Variants in MDFIC2 observed in about 807,000 individuals in gnomAD.
MDFIC2 encodes myoD family inhibitor domain-containing protein 2.
At chr3:70,247,090 A>G (rs1330787959) in intron 2 of MDFIC2, among the ~76,000 whole-genome samples, 3 of 151,916 alleles carry the variant, frequency 2.0e-5, no homozygotes, top group African/African-American at 7.2e-5. Context: ...CAATCATAGT[A>G]CCAAGCGCAT....
intron 2 of MDFIC2, among the ~76,000 whole-genome samples, chr3:70,266,831 T>C (rs1175862635): frequency 6.6e-6 from 1 of 152,174 alleles, no homozygotes; most frequent in Non-Finnish European, 1.5e-5. Flanking sequence ...GTCCAGAAGG[T>C]ACACAGATAT....
At chr3:70,299,397 A>T (rs1702324042) in intron 2 of MDFIC2, among the ~76,000 whole-genome samples, 1 of 152,102 alleles carries the variant, frequency 6.6e-6, no homozygotes, top group African/African-American at 2.4e-5. Context: ...ATTGAGAATA[A>T]TTTTTTTCCA....
intron 2 of MDFIC2, among the ~76,000 whole-genome samples, chr3:70,242,860 G>A (rs1701675609): frequency 6.6e-6 from 1 of 152,058 alleles, no homozygotes; most frequent in South Asian, 2.1e-4. Context: ...ATTTGAAAAA[G>A]CAAATGTCTT....
intron 2 of MDFIC2, among the ~76,000 whole-genome samples, chr3:70,264,038 G>T (rs1425861924): frequency 2.6e-5 from 4 of 152,160 alleles, no homozygotes; most frequent in Non-Finnish European, 4.4e-5. Flanking sequence ...TTATCATTAT[G>T]TTATAAATTC....
chr3:70,241,960 C>A (rs1021657459), intron 2 of MDFIC2, among the ~76,000 whole-genome samples: 1 of 152,148 alleles, frequency 6.6e-6, no homozygotes, highest in African/African-American at 2.4e-5. Flanking sequence ...TTTGTTTAGG[C>A]CCTTAGAGTT....
chr3:70,216,734 G>C (rs890180462), intron 2 of MDFIC2, among the ~76,000 whole-genome samples: 1 of 152,114 alleles, frequency 6.6e-6, no homozygotes, highest in African/African-American at 2.4e-5. Context: ...GGTGAGGCAG[G>C]CCTTCCCTTA....
chr3:70,243,149 T>A (rs1360642326), intron 2 of MDFIC2, among the ~76,000 whole-genome samples: 1 of 152,162 alleles, frequency 6.6e-6, no homozygotes, highest in Non-Finnish European at 1.5e-5. Flanking sequence ...CCTGTGCCTT[T>A]TGTCTTCTGC....
At position 70,258,250 on chromosome 3, in the gene MDFIC2, C is replaced by A. The variant is rs185483789; in HGVS notation, c.89-51460G>T. Among the ~76,000 whole-genome samples the A allele has an allele frequency of 2.4e-3, 369 of 152,146 alleles. 1 individual carries two copies. The highest frequency in any genetic ancestry group is 4.1e-3 in the Non-Finnish European group (280 of 67,976). ...TAGGGTGGGCAACAATTTCTTAGAT[C>A]AGACACCAAAAGCATGAGCCATAAA... On this transcript the variant is annotated intron_variant, in intron 2 of 3. Coordinates refer to ENST00000567252, the MANE Select transcript of MDFIC2 (RefSeq NM_001364677.1).
At chr3:70,258,779 A>T (rs1190492155) in intron 2 of MDFIC2, among the ~76,000 whole-genome samples, 1 of 152,186 alleles carries the variant, frequency 6.6e-6, no homozygotes, top group Non-Finnish European at 1.5e-5. Context: ...GAACCTTGCA[A>T]AAAGTGTTAT....
intron 2 of MDFIC2, among the ~76,000 whole-genome samples, chr3:70,241,192 C>T (rs963867664): frequency 2.6e-5 from 4 of 152,158 alleles, no homozygotes; most frequent in East Asian, 1.9e-4. Flanking sequence ...ATTGCTAGAA[C>T]GGTTCCTCAT....
chr3:70,196,429 T>C lies in MDFIC2; in HGVS notation c.*497A>G, dbSNP rs1047430490. 6.6e-6 allele frequency among the ~76,000 whole-genome samples: 1 copy of C among 152,178 alleles called. No individual in the cohort carries two copies. Among genetic ancestry groups the C allele is most frequent in the South Asian group, 2.1e-4 (1 of 4,834 alleles). ...AGTGAATTTTAAGAGACTGTATAAA[T>C]AAATTTTTAATTACAAAATGATGTT... On this transcript the variant is annotated 3_prime_UTR_variant, in exon 4 of 4. Transcript: ENST00000567252.
At chr3:70,210,905 A>T (rs1701336969) in intron 2 of MDFIC2, among the ~76,000 whole-genome samples, 1 of 152,124 alleles carries the variant, frequency 6.6e-6, no homozygotes, top group Non-Finnish European at 1.5e-5. Flanking sequence ...TGTTGAGCAA[A>T]TGTTATTAAT....
chr3:70,216,592 T>G (rs1369589916), intron 2 of MDFIC2, among the ~76,000 whole-genome samples: 1 of 152,118 alleles, frequency 6.6e-6, no homozygotes, highest in Non-Finnish European at 1.5e-5. Context: ...ACTATCTAGA[T>G]AGAGATTTTT....
At chr3:70,224,933 C>T (rs1295088096) in intron 2 of MDFIC2, among the ~76,000 whole-genome samples, 1 of 152,004 alleles carries the variant, frequency 6.6e-6, no homozygotes. Flanking sequence ...TGTGGTGAAA[C>T]AGATTCATTA....
chr3:70,249,022 G>T (rs59550662), intron 2 of MDFIC2: 2 of 152,046 alleles, frequency 1.3e-5, no homozygotes, highest in East Asian at 3.9e-4. Flanking sequence ...AGATATTATC[G>T]TAAGTTCACA....
intron 2 of MDFIC2, among the ~76,000 whole-genome samples, chr3:70,269,517 C>CT (rs139928744): frequency 0.15 from 22,224 of 152,092 alleles, 1,764 homozygotes; most frequent in East Asian, 0.23. Flanking sequence ...ATATCATTTT[C>CT]TTTTTTCTGT....
At chr3:70,282,163 C>T (rs965845981) in intron 2 of MDFIC2, among the ~76,000 whole-genome samples, 11 of 152,120 alleles carry the variant, frequency 7.2e-5, no homozygotes, top group African/African-American at 2.7e-4. Context: ...ACAGATTGCT[C>T]CCATCTCCTG....
chr3:70,221,644 A>G (rs570442083), intron 2 of MDFIC2, among the ~76,000 whole-genome samples: 47 of 152,166 alleles, frequency 3.1e-4, no homozygotes, highest in Non-Finnish European at 5.9e-4. Context: ...GGAAACCAGT[A>G]TAATTCCCCT....
At chr3:70,239,289 TCA>T (rs151003761) in intron 2 of MDFIC2, among the ~76,000 whole-genome samples, 5,101 of 152,290 alleles carry the variant, frequency 0.033, 103 homozygotes, top group South Asian at 0.11. Flanking sequence ...CAAATGGTTT[TCA>T]CAGTTTCTTT....
Sources: allele counts gnomAD v4.1 joint callset (sites outside exome capture counted in the v4.1 genomes callset), GRCh38; gene constraint gnomAD v4.1.1; transcripts MANE v1.5; gene names NCBI Gene and HGNC (gene_info 2026-07-23, HGNC 2026-07-21).